Variants in RIPK1 observed in about 807,000 individuals in gnomAD.
The protein encoded by RIPK1 is receptor interacting serine/threonine kinase 1.
RIPK1 carries 27 observed loss-of-function variants against 62.4 expected under a neutral mutation model. The ratio of observed to expected loss-of-function variants is 0.43; its 90% CI spans 0.32 to 0.60. The LOEUF (loss-of-function observed/expected upper bound fraction) is 0.60. Ranked by LOEUF, RIPK1 falls within the 20% of genes least tolerant of loss-of-function variation. RIPK1 has a pLI of 0.07. For missense variants in RIPK1, 735 were observed against 831.0 expected, an observed-to-expected ratio of 0.88 and a Z score of 1.42; for synonymous variants, 287 against 303.2, an observed-to-expected ratio of 0.95 and a Z score of 0.55.
intron 6 of RIPK1, among the ~76,000 whole-genome samples, 165 bp from the exon 7 acceptor site, chr6:3,089,416 A>G (rs1000715194): frequency 6.6e-6 from 1 of 152,220 alleles, no homozygotes; most frequent in Admixed American, 6.5e-5. Flanking sequence ...TGTTCTGTCT[A>G]TTAATCTTAT....
chr6:3,075,781 C>T (rs1320815757), intron 1 of RIPK1, among the ~76,000 whole-genome samples: 1 of 151,820 alleles, frequency 6.6e-6, no homozygotes, highest in Non-Finnish European at 1.5e-5. Context: ...AGGCGATCCT[C>T]TCAATTCAAA....
intron 10 of RIPK1, among the ~76,000 whole-genome samples, chr6:3,112,074 G>T (rs1238314526): frequency 6.6e-6 from 1 of 152,132 alleles, no homozygotes; most frequent in Non-Finnish European, 1.5e-5. Context: ...TATGAAGGGC[G>T]AAGGGAAGGA....
intron 9 of RIPK1, among the ~76,000 whole-genome samples, chr6:3,108,813 C>T (rs1465286908): frequency 2.6e-5 from 4 of 152,158 alleles, no homozygotes; most frequent in Non-Finnish European, 2.9e-5. Flanking sequence ...TGTGTGTGCA[C>T]ATCCTATATT....
chr6:3,084,655 G>T (rs772990030), intron 5 of RIPK1, among the ~76,000 whole-genome samples: 1 of 148,896 alleles, frequency 6.7e-6, no homozygotes, highest in Non-Finnish European at 1.5e-5. Flanking sequence ...GTGCAGTGGT[G>T]CAGTCTCGGC....
At position 3,076,699 on chromosome 6, in the gene RIPK1, CATATATATAT is replaced by C. The variant is rs10526418; in HGVS notation, c.-60-47_-60-38del. Reference sequence around the variant, plus strand: ...TGTCTCCAAAGGAGAAAAAAAAAAACATATATATATATATATATATATATATAGTCTTGCC... The same window carrying C: ...TGTCTCCAAAGGAGAAAAAAAAAAACATATATATATATATATAGTCTTGCC... On this transcript the variant is annotated intron_variant, in intron 1 of 10. Coordinates refer to ENST00000259808, the MANE Select transcript of RIPK1 (RefSeq NM_001354930.2). 1.0e-3 allele frequency: 218 copies of C among 217,776 alleles called. 6 individuals are homozygous for C. The highest frequency in any genetic ancestry group is 1.9e-3 in the East Asian group (10 of 5,326). The allele number at this position is 217,776 out of a possible 1,614,324, so 13.5% of individuals were successfully genotyped here.
Position 3,089,653 on chromosome 6 carries a change from T to C in RIPK1, c.911T>C (p.Leu304Ser), listed in dbSNP as rs1473527390. 4 of 1,557,482 alleles carry C rather than the reference T, an allele frequency of 2.6e-6. No homozygotes were observed. The Admixed American group carries it at 7.0e-5, about 27-fold the overall frequency. The change falls in exon 7 of 11, where the codon TTA becomes TCA. Residue 304 changes from leucine (L) to serine (S), a missense_variant. This residue lies in a region of RIPK1 where 671 missense variants were observed against 726.2 expected (regional missense o/e 0.92). Transcript: ENST00000259808. ...EESVEEDVKS[L>S]KKEYSNENAV... ...AGTGTAGAAGAGGACGTGAAGAGTT[T>C]AAAGGTAGGCAATATAGCAGATGCT...
chr6:3,103,699 C>T (rs1454929628), intron 7 of RIPK1, among the ~76,000 whole-genome samples: 1 of 152,270 alleles, frequency 6.6e-6, no homozygotes, highest in Admixed American at 6.5e-5. Context: ...ACCAAGAAAT[C>T]GCTGCCAAGT....
intron 7 of RIPK1, among the ~76,000 whole-genome samples, chr6:3,095,059 GAGAAAAAAA>G (rs1220614133): frequency 6.0e-5 from 9 of 150,746 alleles, no homozygotes; most frequent in East Asian, 1.9e-4. Flanking sequence ...CCCTACTTCT[GAGAAAAAAA>G]AGAAAAAAAA....
chr6:3,107,400 C>CAAAAAA, intron 9 of RIPK1, among the ~76,000 whole-genome samples: 1 of 55,332 alleles, frequency 1.8e-5, no homozygotes. Context: ...ACTAAAAATA[C>CAAAAAA]AAAAAAAAAA....
chr6:3,084,043 C>T (rs1048463819), intron 5 of RIPK1, among the ~76,000 whole-genome samples: 1 of 152,142 alleles, frequency 6.6e-6, no homozygotes, highest in African/African-American at 2.4e-5. Context: ...CCTTGCCCCT[C>T]TCTCCCACAT....
intron 4 of RIPK1, among the ~76,000 whole-genome samples, chr6:3,081,808 CG>C (rs1262133352): frequency 5.8e-5 from 7 of 119,686 alleles, no homozygotes; most frequent in Non-Finnish European, 1.1e-4. Flanking sequence ...TGTGGTGAGC[CG>C]AGATTGTGCC....
rs1462185930 is a variant in RIPK1, at chr6:3,077,947, C to T, written c.321+12C>T. 3 of 1,612,882 alleles carry T rather than the reference C, an allele frequency of 1.9e-6. No individual in the cohort carries two copies. In the African/African-American group the frequency reaches 4.0e-5, roughly 22 times the overall value. Reference sequence around the variant, plus strand: ...TGCTGAAAGCCGAGGTAGAGAGGGCCCCTCCGCACGGGGATCCCCAGCGCT... The same window carrying T: ...TGCTGAAAGCCGAGGTAGAGAGGGCTCCTCCGCACGGGGATCCCCAGCGCT... On this transcript the variant is annotated intron_variant, in intron 3 of 10. Transcript: ENST00000259808.
chr6:3,110,926 A>G lies in RIPK1; in HGVS notation c.1700A>G (p.Glu567Gly). 6.2e-7 allele frequency: 1 copy of G among 1,613,532 alleles called. No homozygotes were observed. The highest frequency in any genetic ancestry group is 8.5e-7 in the Non-Finnish European group (1 of 1,179,750). ...AGCACAAATACGAACTTCAAAGAAG[A>G]GCCAGCTGCTAAGTACCAAGCTATC... ...LDSTNTNFKE[E>G]PAAKYQAIFD... The change falls in exon 10 of 11, where the codon GAG becomes GGG. Residue 567 changes from glutamate (E) to glycine (G), a missense_variant. This residue lies in a region of RIPK1 where 671 missense variants were observed against 726.2 expected (regional missense o/e 0.92). Transcript: ENST00000259808.
chr6:3,074,026 T>C (rs1281139609), intron 1 of RIPK1, among the ~76,000 whole-genome samples: 2 of 152,200 alleles, frequency 1.3e-5, no homozygotes, highest in Non-Finnish European at 2.9e-5. Context: ...ATGCATACCA[T>C]AGCTAGAGTT....
chr6:3,103,544 C>T (rs1264178411), intron 7 of RIPK1, among the ~76,000 whole-genome samples: 1 of 152,144 alleles, frequency 6.6e-6, no homozygotes, highest in Admixed American at 6.6e-5. Flanking sequence ...TCATGGGATC[C>T]ACCTGCCTTG....
rs1335382838 is a variant in RIPK1 at position 3,083,301 on chromosome 6, G to A, written c.676G>A (p.Glu226Lys). 1.9e-6 allele frequency: 3 copies of A among 1,612,414 alleles called. No individual in the cohort carries two copies. The African/African-American group carries it at 4.0e-5, about 22-fold the overall frequency. Reference protein sequence around the residue: ...VVLWAIFANKEPYENAICEQQ... With the variant: ...VVLWAIFANKKPYENAICEQQ... ...ACTCTGGGCGATATTTGCAAATAAG[G>A]AGCCATATGAAAGTAAGGCATTACT... The change falls in exon 5 of 11, where the codon GAG (glutamate) becomes AAG (lysine). Residue 226 changes from glutamate (E) to lysine (K), a missense_variant. Around this residue, in one of 2 missense-constraint regions of RIPK1, gnomAD observed 671 missense variants for 726.2 expected, o/e 0.92. Coordinates refer to ENST00000259808, the MANE Select transcript of RIPK1 (RefSeq NM_001354930.2).
chr6:3,073,757 A>G (rs1758896758), intron 1 of RIPK1, among the ~76,000 whole-genome samples: 1 of 152,184 alleles, frequency 6.6e-6, no homozygotes, highest in Non-Finnish European at 1.5e-5. Flanking sequence ...GCCACTGTGC[A>G]ACACCATGGG....
chr6:3,066,851 A>AC (rs1220092028), upstream of RIPK1, among the ~76,000 whole-genome samples: 4 of 152,190 alleles, frequency 2.6e-5, no homozygotes, highest in African/African-American at 9.7e-5. Flanking sequence ...CTGTAACGTC[A>AC]GACTCCACTG....
In RIPK1 at chr6:3,073,169, T is replaced by C. The variant is rs185807169; in HGVS notation, c.-60-3595T>C. On this transcript the variant is annotated intron_variant, in intron 1 of 10. Coordinates refer to ENST00000259808, the MANE Select transcript of RIPK1 (RefSeq NM_001354930.2). ...GTATATACACATAGACAAATATAGC[T>C]ATATATCTACATATACAATATATGC... Among the ~76,000 whole-genome samples the C allele has an allele frequency of 2.9e-3, 437 of 151,884 alleles. 2 individuals are homozygous for C. The highest frequency in any genetic ancestry group is 0.011 in the Middle Eastern group (3 of 284).
Sources: allele counts gnomAD v4.1 joint callset (sites outside exome capture counted in the v4.1 genomes callset), GRCh38; gene constraint gnomAD v4.1.1; regional missense constraint gnomAD v4.1.1; transcripts MANE v1.5; gene names NCBI Gene and HGNC (gene_info 2026-07-23, HGNC 2026-07-21).